The following CRYBG3 variants were observed in gnomAD, a reference collection of about 807,000 sequenced individuals.
CRYBG3 encodes the protein crystallin beta-gamma domain containing 3.
Under a neutral mutation model 244.2 loss-of-function variants are expected in CRYBG3, and 127 were observed. The ratio of observed to expected loss-of-function variants is 0.52; its 90% confidence interval spans 0.45 to 0.60. The LOEUF (loss-of-function observed/expected upper bound fraction) is 0.60, where lower values mean the gene tolerates loss of function less well. Among genes scored for constraint, CRYBG3 ranks in the 20% least tolerant of loss-of-function variants. The probability of loss-of-function intolerance (pLI) is 0.00; values close to 1 mark genes in which losing one functional copy is unlikely to be tolerated. For synonymous variants in CRYBG3, 1,132 were observed against 1,195.8 expected, an observed-to-expected ratio of 0.95 and a Z score of 1.10; for missense variants, 3,325 against 3,442.5, an observed-to-expected ratio of 0.97 and a Z score of 0.85.
rs753867444 is a variant in CRYBG3, at chr3:97,877,848, G to A, written c.6654G>A (p.Ser2218=). 6 of 1,614,026 alleles carry A rather than the reference G, an allele frequency of 3.7e-6. No homozygotes were observed. Among genetic ancestry groups the A allele is most frequent in the Non-Finnish European group, 4.2e-6 (5 of 1,179,990 alleles). ...LQVGLWPEKT[S]FLQKSDLTSK... is the part of the protein sequence containing the mutation. The stretch of plus-strand genomic sequence containing the variant: ...TTGGTCTGTGGCCAGAAAAGACCTC[G>A]TTTCTCCAGAAATCTGACCTTACTT... The change falls in exon 4 of 22, where the codon TCG becomes TCA. Residue 2218 remains serine, a synonymous_variant. Coordinates refer to ENST00000389622, the MANE Select transcript of CRYBG3 (RefSeq NM_153605.4).
chr3:97,844,272 A>G (rs934948366), intron 2 of CRYBG3, among the ~76,000 whole-genome samples: 5 of 152,004 alleles, frequency 3.3e-5, no homozygotes, highest in African/African-American at 7.2e-5. Flanking sequence ...TGGTTTTTTC[A>G]TGTATCTCAC....
At position 97,822,522 on chromosome 3, in the gene CRYBG3, C is replaced by G. The variant is rs532275068; in HGVS notation, c.149+167C>G. On this transcript the variant is annotated intron_variant, in intron 1 of 21. Transcript: ENST00000389622. ...AAAGTTTCCTCCTCCTTGCCCCGTTCCCGTGCCGCACTACTCGCCTCTCCT... is the reference window on the plus strand; with the variant it reads ...AAAGTTTCCTCCTCCTTGCCCCGTTGCCGTGCCGCACTACTCGCCTCTCCT... Among the ~76,000 whole-genome samples the G allele has an allele frequency of 3.9e-5, 6 of 152,388 alleles. No homozygotes were observed. The South Asian group carries it at 1.2e-3, about 32-fold the overall frequency.
chr3:97,862,643 A>G (rs1156434165), intron 2 of CRYBG3, among the ~76,000 whole-genome samples: 1 of 152,284 alleles, frequency 6.6e-6, no homozygotes, highest in Non-Finnish European at 1.5e-5. Context: ...TATGCTGTTT[A>G]TATGAGGAGA....
intron 1 of CRYBG3, among the ~76,000 whole-genome samples, chr3:97,835,640 A>C (rs377565065): frequency 6.6e-6 from 1 of 152,004 alleles, no homozygotes; most frequent in African/African-American, 2.4e-5. Context: ...GTGTGTGTAA[A>C]TGTGTTTTTA....
Position 97,875,322 on chromosome 3 carries a change from A to G in CRYBG3, c.4128A>G (p.Val1376=). The G allele has an allele frequency of 7.0e-7, 1 of 1,435,514 alleles. No individual in the cohort carries two copies. The highest frequency in any genetic ancestry group is 1.5e-5 in the South Asian group (1 of 65,798). The allele number at this position is 1,435,514 out of a possible 1,614,324, so 88.9% of individuals were successfully genotyped here. The stretch of plus-strand genomic sequence containing the variant: ...GCACACAAATTAGTGAAAATAAAGT[A>G]TTAAATGAATTCTTCTCCCTAAGTA... ...NQSTQISENK[V]LNEFFSLSNL... Residue 1376 remains valine (V), a synonymous_variant, in exon 4 of 22, where the codon GTA becomes GTG. Coordinates refer to ENST00000389622, the MANE Select transcript of CRYBG3 (RefSeq NM_153605.4).
chr3:97,868,937 G>C (rs1576533299), intron 3 of CRYBG3, among the ~76,000 whole-genome samples: 1 of 151,646 alleles, frequency 6.6e-6, no homozygotes, highest in East Asian at 1.9e-4. Context: ...AATTACTTCT[G>C]TGATCTTTTG....
At chr3:97,838,627 C>T (rs111252714) in intron 1 of CRYBG3, among the ~76,000 whole-genome samples, 341 of 152,192 alleles carry the variant, frequency 2.2e-3, no homozygotes, top group Non-Finnish European at 4.4e-3. Flanking sequence ...CATTGTGCAA[C>T]CCCCAGCACC....
At chr3:97,883,224 G>A (rs951298316) in intron 7 of CRYBG3, among the ~76,000 whole-genome samples, 3 of 152,134 alleles carry the variant, frequency 2.0e-5, no homozygotes, top group African/African-American at 7.2e-5. Flanking sequence ...GATTAAGATG[G>A]CTGAAGTGGA....
chr3:97,896,970 A>G (rs1208776781), intron 12 of CRYBG3, among the ~76,000 whole-genome samples: 1 of 151,930 alleles, frequency 6.6e-6, no homozygotes, highest in Non-Finnish European at 1.5e-5. Flanking sequence ...CATATTGAGT[A>G]GTTATTTTTA....
At chr3:97,941,095 T>A in intron 19 of CRYBG3, 53 bp from the exon 20 acceptor site, 3 of 1,477,392 alleles carry the variant, frequency 2.0e-6, no homozygotes, top group Non-Finnish European at 2.8e-6. Flanking sequence ...TCTGGAAGGA[T>A]TCATTTCCAG....
Position 97,843,242 on chromosome 3 carries a change from T to A in CRYBG3, c.197T>A (p.Leu66His). The A allele has an allele frequency of 6.6e-7, 1 of 1,507,714 alleles. No individual in the cohort carries two copies. Among genetic ancestry groups the A allele is most frequent in the Non-Finnish European group, 8.9e-7 (1 of 1,124,792 alleles). 93.4% of individuals were successfully genotyped at this position (1,507,714 alleles called of 1,614,324 possible). ...ACAAGTCAGAAAAAGGAAAATGTAC[T>A]TTCATCAGAAGCAGTAAAGGTATAG... ...MSTSQKKENV[L>H]SSEAVKIRQS... The change falls in exon 2 of 22, where the codon CTT becomes CAT. Residue 66 changes from leucine to histidine, a missense_variant. Around this residue, in one of 4 missense-constraint regions of CRYBG3, gnomAD observed 1,526 missense variants for 1,443.2 expected, o/e 1.06. Transcript: ENST00000389622.
At position 97,876,394 on chromosome 3, in the gene CRYBG3, G is replaced by C. The variant is rs1443228661; in HGVS notation, c.5200G>C (p.Val1734Leu). 78 of 1,232,030 alleles carry C rather than the reference G, an allele frequency of 6.3e-5. No homozygotes were observed. The highest frequency in any genetic ancestry group is 7.7e-5 in the Non-Finnish European group (76 of 987,984). The allele number at this position is 1,232,030 out of a possible 1,614,324, so 76.3% of individuals were successfully genotyped here. A position where few individuals can be genotyped will look rare whatever the true frequency, so the allele number is the denominator to read the frequency against. Residue 1734 changes from valine to leucine, a missense_variant, in exon 4 of 22, where the codon GTG becomes CTG. Physicochemically the swap from Val to Leu is conservative, Grantham distance 32 (BLOSUM62 1). Transcript: ENST00000389622. Reference protein sequence around the residue: ...GDIGKAEVMPVRLEMENTYPK... With the variant: ...GDIGKAEVMPLRLEMENTYPK... Reference sequence around the variant, plus strand: ...TATTGGAAAGGCTGAAGTGATGCCTGTGAGGTTAGAAATGGAAAATACTTA... The same window carrying C: ...TATTGGAAAGGCTGAAGTGATGCCTCTGAGGTTAGAAATGGAAAATACTTA...
At chr3:97,828,867 CA>C (rs373270635) in intron 1 of CRYBG3, among the ~76,000 whole-genome samples, 3 of 145,312 alleles carry the variant, frequency 2.1e-5, no homozygotes, top group African/African-American at 5.0e-5. Flanking sequence ...AACAAACAAA[CA>C]AAAAAAAACT....
At chr3:97,896,944 T>A (rs961198982) in intron 12 of CRYBG3, among the ~76,000 whole-genome samples, 5 of 151,990 alleles carry the variant, frequency 3.3e-5, no homozygotes, top group African/African-American at 1.2e-4. Flanking sequence ...GAATCTAAAG[T>A]GAGATAATGA....
Position 97,876,519 on chromosome 3 carries a change from G to A in CRYBG3, c.5325G>A (p.Gly1775=). The change falls in exon 4 of 22, where the codon GGG becomes GGA. Residue 1775 remains glycine, a synonymous_variant. Coordinates refer to ENST00000389622, the MANE Select transcript of CRYBG3 (RefSeq NM_153605.4). ...AAAAAAATGCCAAAGGTTTTACCGG[G>A]AACACTGAAGGGTCTGTGTTGAAAA... ...TYQKNAKGFT[G]NTEGSVLKME... is the part of the protein sequence containing the mutation. 4.9e-6 allele frequency: 6 copies of A among 1,232,172 alleles called. No individual in the cohort carries two copies. The highest frequency in any genetic ancestry group is 5.1e-6 in the Non-Finnish European group (5 of 988,000). 76.3% of individuals were successfully genotyped at this position (1,232,172 alleles called of 1,614,324 possible).
At chr3:97,899,332 CTT>C in intron 14 of CRYBG3, 69 bp downstream of exon 14, 1 of 1,507,710 alleles carries the variant, frequency 6.6e-7, no homozygotes, top group Non-Finnish European at 8.9e-7. Flanking sequence ...GTGGAAAACA[CTT>C]TTTAAAAGTG....
chr3:97,876,991 G>A lies in CRYBG3; in HGVS notation c.5797G>A (p.Glu1933Lys). 1 of 1,520,122 alleles carries A rather than the reference G, an allele frequency of 6.6e-7. No homozygotes were observed. The highest frequency in any genetic ancestry group is 8.8e-7 in the Non-Finnish European group (1 of 1,136,890). The allele number at this position is 1,520,122 out of a possible 1,614,324, so 94.2% of individuals were successfully genotyped here. The part of the protein sequence containing the change: ...NRLPTYFRGY[E>K]SPTLSKDYEG... The stretch of plus-strand genomic sequence containing the variant: ...ACTTCCTACATATTTCAGGGGATAT[G>A]AATCCCCTACATTAAGTAAGGATTA... Residue 1933 changes from glutamate to lysine, a missense_variant, in exon 4 of 22, where the codon GAA (glutamate) becomes AAA (lysine). Glu to Lys is a moderately conservative substitution (Grantham distance 56). This residue lies in a region of CRYBG3 where 450 missense variants were observed against 424.1 expected (regional missense o/e 1.06). Transcript: ENST00000389622.
chr3:97,909,997 A>G (rs1168305596), intron 15 of CRYBG3, among the ~76,000 whole-genome samples: 5 of 150,204 alleles, frequency 3.3e-5, no homozygotes, highest in East Asian at 2.0e-4. Context: ...GTCTGTTGGA[A>G]TACCCTGCCG....
chr3:97,831,741 T>G (rs961563497), intron 1 of CRYBG3, among the ~76,000 whole-genome samples: 3 of 152,132 alleles, frequency 2.0e-5, no homozygotes, highest in African/African-American at 7.2e-5. Context: ...TTAAAATAGC[T>G]AGAAGATAAC....
Sources: allele counts gnomAD v4.1 joint callset (sites outside exome capture counted in the v4.1 genomes callset), GRCh38; gene constraint gnomAD v4.1.1; regional missense constraint gnomAD v4.1.1; transcripts MANE v1.5; gene names NCBI Gene and HGNC (gene_info 2026-07-23, HGNC 2026-07-21).